Variants in ANKRD13A observed in about 807,000 individuals in gnomAD.
The protein encoded by ANKRD13A is ankyrin repeat domain 13A.
Under a neutral mutation model 81.3 loss-of-function variants are expected in ANKRD13A, and 48 were observed. The ratio of observed to expected loss-of-function variants is 0.59; its 90% CI spans 0.47 to 0.75. The LOEUF (loss-of-function observed/expected upper bound fraction) is 0.75, where lower values mean the gene tolerates loss of function less well. Among genes scored for constraint, ANKRD13A ranks in the 30% least tolerant of loss-of-function variants. The probability of loss-of-function intolerance (pLI) is 0.00; values close to 1 mark genes in which losing one functional copy is unlikely to be tolerated. For synonymous variants in ANKRD13A, 230 were observed against 270.1 expected, an observed-to-expected ratio of 0.85 and a Z score of 1.45; for missense variants, 612 against 734.0, an observed-to-expected ratio of 0.83 and a Z score of 1.92.
chr12:110,002,667 T>C (rs1405757880), intron 1 of ANKRD13A, among the ~76,000 whole-genome samples: 1 of 152,198 alleles, frequency 6.6e-6, no homozygotes, highest in African/African-American at 2.4e-5. Flanking sequence ...ATAAAGTGGC[T>C]GTTTCCCTTA....
chr12:110,004,434 A>G (rs965082728), intron 1 of ANKRD13A, among the ~76,000 whole-genome samples: 2 of 152,068 alleles, frequency 1.3e-5, no homozygotes, highest in African/African-American at 2.4e-5. Flanking sequence ...TGACCAACAC[A>G]GAGAAACCCC....
At chr12:110,000,108 TTTTAACTCGGGCCGGCTGGC>T (rs1216039862) in intron 1 of ANKRD13A, among the ~76,000 whole-genome samples, 3 of 152,188 alleles carry the variant, frequency 2.0e-5, no homozygotes, top group African/African-American at 7.2e-5. Context: ...CAAGTCGGGA[TTTTAACTCGGGCCGGCTGGC>T]TCCGGAATGC....
intron 1 of ANKRD13A, among the ~76,000 whole-genome samples, chr12:110,002,578 T>C (rs185020672): frequency 1.3e-5 from 2 of 152,134 alleles, no homozygotes; most frequent in Non-Finnish European, 2.9e-5. Context: ...ATCGTGCCAC[T>C]GCACTCCAGG....
chr12:110,035,509 G>A (rs749627556), intron 13 of ANKRD13A, among the ~76,000 whole-genome samples: 2 of 151,884 alleles, frequency 1.3e-5, no homozygotes, highest in Non-Finnish European at 2.9e-5. Flanking sequence ...CAGTGCAGGG[G>A]CACAATATTG....
intron 11 of ANKRD13A, among the ~76,000 whole-genome samples, chr12:110,030,324 G>C (rs1316568404): frequency 6.6e-6 from 1 of 151,922 alleles, no homozygotes. Context: ...GCATCACCAC[G>C]CCCAGCTAAT....
At chr12:110,026,482 CAGG>C (rs1206709514) in intron 8 of ANKRD13A, among the ~76,000 whole-genome samples, 3 of 151,520 alleles carry the variant, frequency 2.0e-5, no homozygotes, top group African/African-American at 7.3e-5. Flanking sequence ...GAGGCTGAGG[CAGG>C]AGAATCACTT....
Position 109,999,534 on chromosome 12 carries a change from C to T in ANKRD13A, c.-155C>T. On this transcript the variant is annotated 5_prime_UTR_variant, in exon 1 of 15. Coordinates refer to ENST00000261739, the MANE Select transcript of ANKRD13A (RefSeq NM_033121.2). The surrounding 1 kb of genome is among the most constrained non-coding windows in gnomAD (Gnocchi z 4.3). ...CCGGCCGGCGACCCCGGACCTCCCG[C>T]GCGCCCCGCACCCGACCGGCTCAGC... 2 of 428,614 alleles carry T rather than the reference C, an allele frequency of 4.7e-6. No homozygotes were observed. The highest frequency in any genetic ancestry group is 7.5e-6 in the Non-Finnish European group (2 of 267,694). The allele number at this position is 428,614 out of a possible 1,614,324, so 26.6% of individuals were successfully genotyped here.
intron 8 of ANKRD13A, among the ~76,000 whole-genome samples, chr12:110,026,127 A>G (rs1283954050): frequency 6.6e-6 from 1 of 151,656 alleles, no homozygotes; most frequent in African/African-American, 2.4e-5. Context: ...ACGCCCGGCT[A>G]ATTTTTTGTA....
chr12:109,999,555 T>C lies in ANKRD13A; in HGVS notation c.-134T>C, dbSNP rs1309912652. ...CCCGCGCGCCCCGCACCCGACCGGCTCAGCCGGCCGGCAGCGTAACACGCC... is the reference window on the plus strand; with the variant it reads ...CCCGCGCGCCCCGCACCCGACCGGCCCAGCCGGCCGGCAGCGTAACACGCC... On this transcript the variant is annotated 5_prime_UTR_variant, in exon 1 of 15. Coordinates refer to ENST00000261739, the MANE Select transcript of ANKRD13A (RefSeq NM_033121.2). This position sits in a 1 kb window ranked among gnomAD's most constrained non-coding sequence, Gnocchi z 4.3. 1.6e-6 allele frequency: 1 copy of C among 619,956 alleles called. No homozygotes were observed. The highest frequency in any genetic ancestry group is 2.3e-6 in the Non-Finnish European group (1 of 428,914). 38.4% of individuals were successfully genotyped at this position (619,956 alleles called of 1,614,324 possible). A position where few individuals can be genotyped will look rare whatever the true frequency, so the allele number is the denominator to read the frequency against.
intron 1 of ANKRD13A, among the ~76,000 whole-genome samples, chr12:110,000,617 C>T (rs1174401672): frequency 2.0e-5 from 3 of 152,088 alleles, no homozygotes; most frequent in Non-Finnish European, 4.4e-5. Context: ...GGAGTGGGTG[C>T]TTCTGGTAGT....
chr12:109,999,546 C>A lies in ANKRD13A; in HGVS notation c.-143C>A. The A allele has an allele frequency of 1.9e-6, 1 of 539,916 alleles. No homozygotes were observed. Among genetic ancestry groups the A allele is most frequent in the Non-Finnish European group, 2.8e-6 (1 of 361,192 alleles). The allele number at this position is 539,916 out of a possible 1,614,324, so 33.4% of individuals were successfully genotyped here. A position where few individuals can be genotyped will look rare whatever the true frequency, so the allele number is the denominator to read the frequency against. On this transcript the variant is annotated 5_prime_UTR_variant, in exon 1 of 15. Coordinates refer to ENST00000261739, the MANE Select transcript of ANKRD13A (RefSeq NM_033121.2). The surrounding 1 kb of genome is among the most constrained non-coding windows in gnomAD (Gnocchi z 4.3). ...CCCGGACCTCCCGCGCGCCCCGCAC[C>A]CGACCGGCTCAGCCGGCCGGCAGCG...
intron 9 of ANKRD13A, 54 bp downstream of exon 9, chr12:110,027,820 CTG>C (rs969804252): frequency 1.9e-6 from 3 of 1,581,148 alleles, no homozygotes; most frequent in African/African-American, 2.7e-5. Context: ...AACAACTTGT[CTG>C]TGTCTGGGAT....
At chr12:110,012,687 G>A (rs546771354) in intron 2 of ANKRD13A, among the ~76,000 whole-genome samples, 1 of 152,312 alleles carries the variant, frequency 6.6e-6, no homozygotes, top group South Asian at 2.1e-4. Flanking sequence ...GTGGCTAAAA[G>A]TAGCCTCTTC....
intron 6 of ANKRD13A, among the ~76,000 whole-genome samples, chr12:110,022,899 A>G (rs1270860187): frequency 1.3e-5 from 2 of 152,206 alleles, no homozygotes; most frequent in African/African-American, 4.8e-5. Flanking sequence ...TCCTAATTGT[A>G]GACAACTAGT....
At chr12:110,006,816 G>A (rs562842765) in intron 1 of ANKRD13A, among the ~76,000 whole-genome samples, 44 of 152,220 alleles carry the variant, frequency 2.9e-4, no homozygotes, top group African/African-American at 9.2e-4. Flanking sequence ...GGCTGATCTC[G>A]AACTCCCTAC....
At chr12:110,024,232 T>C (rs1891212216) in intron 7 of ANKRD13A, 120 bp downstream of exon 7, 1 of 836,924 alleles carries the variant, frequency 1.2e-6, no homozygotes, top group Non-Finnish European at 1.9e-6. Flanking sequence ...GAATGAGAAC[T>C]GTCTAATGTG....
intron 13 of ANKRD13A, among the ~76,000 whole-genome samples, chr12:110,034,465 A>G (rs374221837): frequency 1.3e-5 from 2 of 151,960 alleles, no homozygotes; most frequent in East Asian, 1.9e-4. Context: ...GTGTGACTCT[A>G]TGTTGCCCAA....
chr12:110,028,814 T>C (rs1338414328), intron 10 of ANKRD13A, 172 bp downstream of exon 10: 8 of 716,356 alleles, frequency 1.1e-5, no homozygotes, highest in Non-Finnish European at 1.7e-5. Context: ...CTCGGCTCAC[T>C]GCAACCTCTG....
chr12:110,000,755 CT>C (rs34586781), intron 1 of ANKRD13A, among the ~76,000 whole-genome samples: 6,444 of 125,828 alleles, frequency 0.051, 140 homozygotes, highest in Middle Eastern at 0.1. Flanking sequence ...TTCTTTCCTT[CT>C]TTTTTTTTTT....
Sources: allele counts gnomAD v4.1 joint callset (sites outside exome capture counted in the v4.1 genomes callset), GRCh38; gene constraint gnomAD v4.1.1; non-coding constraint Gnocchi (gnomAD v3.1); transcripts MANE v1.5; gene names NCBI Gene and HGNC (gene_info 2026-07-23, HGNC 2026-07-21).